CAMTA1: variants seen among roughly 807,000 people sequenced by gnomAD.
The protein encoded by CAMTA1 is calmodulin-binding transcription activator 1.
A neutral mutation model predicts 170.9 loss-of-function variants in CAMTA1; 27 were observed. The ratio of observed to expected loss-of-function variants is 0.16; its 90% confidence interval spans 0.12 to 0.22. CAMTA1 has a LOEUF of 0.22. Among genes scored for constraint, CAMTA1 ranks in the 10% least tolerant of loss-of-function variants. The probability of loss-of-function intolerance (pLI) is 1.00; values close to 1 mark genes in which losing one functional copy is unlikely to be tolerated. For synonymous variants in CAMTA1, 833 were observed against 891.5 expected, an observed-to-expected ratio of 0.93 and a Z score of 1.17; for missense variants, 1,619 against 2,217.2, an observed-to-expected ratio of 0.73 and a Z score of 5.42.
chr1:7,107,913 A>G (rs904048875), intron 4 of CAMTA1, among the ~76,000 whole-genome samples: 2 of 152,208 alleles, frequency 1.3e-5, no homozygotes, highest in Non-Finnish European at 2.9e-5. Flanking sequence ...CTGATGGGTC[A>G]CTGGAATCAT....
intron 5 of CAMTA1, among the ~76,000 whole-genome samples, chr1:7,322,092 A>G (rs1678507523): frequency 1.3e-5 from 2 of 152,252 alleles, no homozygotes; most frequent in Admixed American, 6.5e-5. Flanking sequence ...ATTTGGGGGC[A>G]TTTGCACAGA....
chr1:7,531,417 G>C (rs2094491337), intron 6 of CAMTA1, among the ~76,000 whole-genome samples: 1 of 152,182 alleles, frequency 6.6e-6, no homozygotes, highest in Admixed American at 6.5e-5. Context: ...GACCTGCTGA[G>C]TGCTTTGCCA....
intron 6 of CAMTA1, among the ~76,000 whole-genome samples, chr1:7,513,110 G>A (rs200280674): frequency 9.3e-6 from 1 of 107,094 alleles, no homozygotes. Flanking sequence ...TAGGGGAAAA[G>A]GGGAGACCAG....
intron 7 of CAMTA1, among the ~76,000 whole-genome samples, chr1:7,657,712 T>G (rs185634397): frequency 9.9e-5 from 15 of 152,278 alleles, no homozygotes; most frequent in African/African-American, 3.1e-4. Context: ...TGATACTATT[T>G]GATATTCAGT....
chr1:7,074,493 G>T (rs948792481), intron 3 of CAMTA1, among the ~76,000 whole-genome samples: 8 of 152,178 alleles, frequency 5.3e-5, no homozygotes, highest in African/African-American at 1.9e-4. Context: ...ATGTTTTAGT[G>T]AATTTGCTTC....
chr1:7,038,666 A>C (rs1490687256), intron 3 of CAMTA1, among the ~76,000 whole-genome samples: 2 of 152,244 alleles, frequency 1.3e-5, no homozygotes, highest in Admixed American at 6.5e-5. Context: ...AATATCATTC[A>C]TTAGAGTTCA....
At chr1:7,489,177 G>A (rs929864183) in intron 6 of CAMTA1, among the ~76,000 whole-genome samples, 1 of 152,206 alleles carries the variant, frequency 6.6e-6, no homozygotes, top group African/African-American at 2.4e-5. Flanking sequence ...CCCTGGCCTG[G>A]GAAGGGGGGC....
rs1473445830 is a variant in CAMTA1 at position 6,918,520 on chromosome 1, T to A, written c.234+93310T>A. ...TTGCATATAAATGTCTCGGCTTTAC[T>A]GTACTATTTGTGCTTGAGAAATACT... is the stretch of plus-strand genomic sequence containing the variant. On this transcript the variant is annotated intron_variant, in intron 3 of 22. Transcript: ENST00000303635. This position sits in a 1 kb window ranked among gnomAD's most constrained non-coding sequence, Gnocchi z 4.0. Among the ~76,000 whole-genome samples, 1 of 152,234 alleles carries A rather than the reference T, an allele frequency of 6.6e-6. No individual in the cohort carries two copies. The highest frequency in any genetic ancestry group is 2.4e-5 in the African/African-American group (1 of 41,466).
chr1:7,610,228 T>A (rs986825065), intron 6 of CAMTA1, among the ~76,000 whole-genome samples: 4 of 152,164 alleles, frequency 2.6e-5, no homozygotes, highest in Non-Finnish European at 5.9e-5. Flanking sequence ...CATAGAGACA[T>A]TAAAGGCAAG....
chr1:6,921,486 G>A (rs1682002858), intron 3 of CAMTA1, among the ~76,000 whole-genome samples: 1 of 152,204 alleles, frequency 6.6e-6, no homozygotes, highest in African/African-American at 2.4e-5. Context: ...GCCTCTGCCT[G>A]TTACCCAGTT....
intron 5 of CAMTA1, among the ~76,000 whole-genome samples, chr1:7,308,744 A>G (rs1675987632): frequency 6.6e-6 from 1 of 152,200 alleles, no homozygotes; most frequent in African/African-American, 2.4e-5. Context: ...TTATGACTCA[A>G]GACATGATCA....
intron 5 of CAMTA1, among the ~76,000 whole-genome samples, chr1:7,391,874 G>C (rs1378227845): frequency 6.6e-6 from 1 of 152,162 alleles, no homozygotes; most frequent in African/African-American, 2.4e-5. Flanking sequence ...GGTGTTCCAT[G>C]GTGTGGATAT....
At chr1:7,427,882 A>T (rs2091945229) in intron 5 of CAMTA1, among the ~76,000 whole-genome samples, 1 of 152,124 alleles carries the variant, frequency 6.6e-6, no homozygotes, top group Non-Finnish European at 1.5e-5. Flanking sequence ...TGGGTTCCAG[A>T]ATATTCTCAG....
chr1:7,523,376 A>G (rs1403776876), intron 6 of CAMTA1, among the ~76,000 whole-genome samples: 1 of 152,230 alleles, frequency 6.6e-6, no homozygotes, highest in Admixed American at 6.5e-5. Flanking sequence ...GTCCATGACT[A>G]TCCGAAATAT....
intron 5 of CAMTA1, among the ~76,000 whole-genome samples, chr1:7,427,575 C>G (rs917552032): frequency 6.6e-6 from 1 of 152,196 alleles, no homozygotes; most frequent in Non-Finnish European, 1.5e-5. Flanking sequence ...AAGGAAGTGT[C>G]GAAGGTCAAA....
rs1325303848 is a variant in CAMTA1 at position 7,704,378 on chromosome 1, T to C, written c.2914+26645T>C. On this transcript the variant is annotated intron_variant, in intron 11 of 22. Coordinates refer to ENST00000303635, the MANE Select transcript of CAMTA1 (RefSeq NM_015215.4). ...CGTCGGGCTCCGAGCCGTCCCGGCCTCGAGGGAACCGTCGCCGCCCCATTC... is the reference window on the plus strand; with the variant it reads ...CGTCGGGCTCCGAGCCGTCCCGGCCCCGAGGGAACCGTCGCCGCCCCATTC... Among the ~76,000 whole-genome samples, 3 of 145,644 alleles carry C rather than the reference T, an allele frequency of 2.1e-5. No homozygotes were observed. In the East Asian group the frequency reaches 6.1e-4, roughly 30 times the overall value.
At chr1:7,661,105 G>A (rs961263839) in intron 7 of CAMTA1, among the ~76,000 whole-genome samples, 1 of 152,210 alleles carries the variant, frequency 6.6e-6, no homozygotes, top group Non-Finnish European at 1.5e-5. Context: ...ACTGGGCACT[G>A]AGCTACCTGA....
rs1553180535 is a variant in CAMTA1 at position 6,902,084 on chromosome 1, T to TAATAA, written c.234+76876_234+76877insTAAAA. Among the ~76,000 whole-genome samples the TAATAA allele has an allele frequency of 1.5e-3, 157 of 105,034 alleles. 2 individuals are homozygous for TAATAA. The highest frequency in any genetic ancestry group is 6.0e-3 in the African/African-American group (146 of 24,316). The allele number at this position is 105,034 out of a possible 152,430, so 68.9% of individuals were successfully genotyped here. ...ACACACACACACACAAAAAAAAAAA[T>TAATAA]AAAAATAAAAACTCGTACTGGCTTT... On this transcript the variant is annotated intron_variant, in intron 3 of 22. Coordinates refer to ENST00000303635, the MANE Select transcript of CAMTA1 (RefSeq NM_015215.4).
intron 3 of CAMTA1, among the ~76,000 whole-genome samples, chr1:7,021,251 A>G (rs1213578859): frequency 1.3e-5 from 2 of 152,188 alleles, no homozygotes; most frequent in Non-Finnish European, 2.9e-5. Flanking sequence ...GCAGTGAAAA[A>G]TGGGGCGGTG....
Sources: allele counts gnomAD v4.1 joint callset (sites outside exome capture counted in the v4.1 genomes callset), GRCh38; gene constraint gnomAD v4.1.1; non-coding constraint Gnocchi (gnomAD v3.1); transcripts MANE v1.5; gene names NCBI Gene and HGNC (gene_info 2026-07-23, HGNC 2026-07-21).